CDC42BPB: variants seen among roughly 807,000 people sequenced by gnomAD.
The protein encoded by CDC42BPB is serine/threonine-protein kinase MRCK beta.
Under a neutral mutation model 214.9 loss-of-function variants are expected in CDC42BPB, and 37 were observed. That is an observed-to-expected ratio of 0.17 (90% CI 0.13 to 0.23). CDC42BPB has a LOEUF of 0.23. Ranked by LOEUF, CDC42BPB falls within the 10% of genes least tolerant of loss-of-function variation. The probability of loss-of-function intolerance (pLI) is 1.00; values close to 1 mark genes in which losing one functional copy is unlikely to be tolerated. For synonymous variants in CDC42BPB, 931 were observed against 884.0 expected (o/e 1.05, Z -0.94); for missense variants, 1,694 against 2,227.0 (o/e 0.76, Z 4.82).
At chr14:103,013,476 T>A (rs563090542) in intron 1 of CDC42BPB, among the ~76,000 whole-genome samples, 2 of 152,260 alleles carry the variant, frequency 1.3e-5, no homozygotes, top group Non-Finnish European at 2.9e-5. Context: ...CTGGATAGTG[T>A]CCCCAGCAAA....
chr14:102,976,663 A>G (rs1295117950), intron 9 of CDC42BPB, among the ~76,000 whole-genome samples: 1 of 152,216 alleles, frequency 6.6e-6, no homozygotes, highest in Non-Finnish European at 1.5e-5. Flanking sequence ...TTATGTGACA[A>G]TGAAGTCAGG....
chr14:102,952,684 A>T lies in CDC42BPB; in HGVS notation c.3067-81T>A, dbSNP rs141954387. ...TCCATCTGCCTGTGATCCAGTTTAT[A>T]CACAGCTTGGGCATTATCCTGAAAA... On this transcript the variant is annotated intron_variant, in intron 23 of 36. Transcript: ENST00000361246. 2.7e-3 allele frequency: 4,177 copies of T among 1,544,982 alleles called. 26 individuals are homozygous for T. Among genetic ancestry groups the T allele is most frequent in the South Asian group, 0.015 (1,283 of 83,282 alleles).
intron 21 of CDC42BPB, 26 bp from the exon 22 acceptor site, chr14:102,954,714 G>C: frequency 1.2e-6 from 2 of 1,602,056 alleles, no homozygotes; most frequent in Non-Finnish European, 1.7e-6. Flanking sequence ...AAGAAAGAGT[G>C]GGGTGAAAGG....
intron 1 of CDC42BPB, among the ~76,000 whole-genome samples, chr14:103,052,131 C>G (rs80169986): frequency 0.025 from 3,835 of 152,292 alleles, 171 homozygotes; most frequent in African/African-American, 0.088. Context: ...CACACCCGGC[C>G]TGAAGTTTTA....
chr14:103,010,222 G>A (rs34341231), intron 2 of CDC42BPB, among the ~76,000 whole-genome samples: 1 of 152,204 alleles, frequency 6.6e-6, no homozygotes, highest in Non-Finnish European at 1.5e-5. Context: ...GGGTGGTGGA[G>A]GCTGCAGTGA....
At chr14:102,938,663 C>T (rs987542961) in intron 34 of CDC42BPB, 2 of 628,232 alleles carry the variant, frequency 3.2e-6, no homozygotes, top group Admixed American at 6.3e-5. Flanking sequence ...GAGTCTTGCT[C>T]TGTCCCCCAG....
chr14:102,937,223 G>C (rs4550387), intron 36 of CDC42BPB: 1 of 152,446 alleles, frequency 6.6e-6, no homozygotes, highest in African/African-American at 2.4e-5. Context: ...TCAAACTCAG[G>C]AGCGTTCTGT....
Position 102,933,582 on chromosome 14 carries a change from G to T in CDC42BPB, c.*130C>A. The T allele has an allele frequency of 1.4e-6, 1 of 715,348 alleles. No individual in the cohort carries two copies. The highest frequency in any genetic ancestry group is 2.1e-6 in the Non-Finnish European group (1 of 482,266). 44.3% of individuals were successfully genotyped at this position (715,348 alleles called of 1,614,324 possible). On this transcript the variant is annotated 3_prime_UTR_variant, in exon 37 of 37. Transcript: ENST00000361246. ...CTGATCAATATTATAATAAAGATTT[G>T]TCTTCTTCATCTCCATATCTACAAA... is the stretch of plus-strand genomic sequence containing the variant.
At chr14:102,967,212 A>T (rs952079969) in intron 16 of CDC42BPB, 42 bp from the exon 17 acceptor site, 1 of 1,589,626 alleles carries the variant, frequency 6.3e-7, no homozygotes, top group Non-Finnish European at 8.6e-7. Flanking sequence ...TTAATCGGGC[A>T]TCCTTTAAGT....
chr14:102,941,309 A>G, intron 30 of CDC42BPB: 1 of 985,466 alleles, frequency 1.0e-6, no homozygotes, highest in African/African-American at 1.7e-5. Flanking sequence ...GCATCAGGAC[A>G]CACCTCACTG....
At chr14:103,010,436 C>G (rs543545994) in intron 2 of CDC42BPB, among the ~76,000 whole-genome samples, 17 of 152,234 alleles carry the variant, frequency 1.1e-4, no homozygotes, top group Non-Finnish European at 1.8e-4. Context: ...CCTCCCCTAT[C>G]CCTCTGGTGA....
chr14:102,933,606 A>G lies in CDC42BPB; in HGVS notation c.*106T>C. On this transcript the variant is annotated 3_prime_UTR_variant, in exon 37 of 37. Transcript: ENST00000361246. Reference sequence around the variant, plus strand: ...TGTCTTCTTCATCTCCATATCTACAAAGTGATTCTACATTTCCTTGGACAA... The same window carrying G: ...TGTCTTCTTCATCTCCATATCTACAGAGTGATTCTACATTTCCTTGGACAA... 3.4e-6 allele frequency: 3 copies of G among 887,840 alleles called. No individual in the cohort carries two copies. Among genetic ancestry groups the G allele is most frequent in the Non-Finnish European group, 4.7e-6 (3 of 637,458 alleles). The allele number at this position is 887,840 out of a possible 1,614,324, so 55.0% of individuals were successfully genotyped here. A position where few individuals can be genotyped will look rare whatever the true frequency, so the allele number is the denominator to read the frequency against.
intron 1 of CDC42BPB, among the ~76,000 whole-genome samples, chr14:103,047,114 T>G (rs1317568402): frequency 2.6e-5 from 4 of 151,088 alleles, no homozygotes; most frequent in Non-Finnish European, 5.9e-5. Context: ...TGAAATCCCA[T>G]CTCTACTGAA....
chr14:102,952,712 T>C, intron 23 of CDC42BPB, 109 bp from the exon 24 acceptor site: 1 of 1,491,478 alleles, frequency 6.7e-7, no homozygotes, highest in East Asian at 2.5e-5. Flanking sequence ...CCTGAAAAGG[T>C]GGAAATGTGC....
rs1174362858 is a variant in CDC42BPB at position 102,959,621 on chromosome 14, A to G, written c.2901+10T>C. ...CTCATCTGTCACTTAAAAAAAAAACAATGACTTACTCTAAATGTCAGGTCA... is the reference window on the plus strand; with the variant it reads ...CTCATCTGTCACTTAAAAAAAAAACGATGACTTACTCTAAATGTCAGGTCA... On this transcript the variant is annotated intron_variant, in intron 21 of 36. Coordinates refer to ENST00000361246, the MANE Select transcript of CDC42BPB (RefSeq NM_006035.4). 6.4e-7 allele frequency: 1 copy of G among 1,570,502 alleles called. No homozygotes were observed. Among genetic ancestry groups the G allele is most frequent in the Non-Finnish European group, 8.7e-7 (1 of 1,151,334 alleles).
intron 1 of CDC42BPB, among the ~76,000 whole-genome samples, chr14:103,020,663 C>T (rs925523675): frequency 6.6e-6 from 1 of 152,160 alleles, no homozygotes; most frequent in South Asian, 2.1e-4. Flanking sequence ...ACATGCTGAA[C>T]CCCCGTGAGA....
At chr14:103,046,904 G>A (rs1438989347) in intron 1 of CDC42BPB, among the ~76,000 whole-genome samples, 1 of 151,860 alleles carries the variant, frequency 6.6e-6, no homozygotes, top group Non-Finnish European at 1.5e-5. Context: ...ACCTGCCTCG[G>A]CCTCCCAAAG....
chr14:102,976,090 T>C (rs1595485272), intron 9 of CDC42BPB, 41 bp from the exon 10 acceptor site: 1 of 1,597,820 alleles, frequency 6.3e-7, no homozygotes. Flanking sequence ...CTACTGAAAA[T>C]TTAGCGATTT....
At chr14:102,940,431 C>T in intron 30 of CDC42BPB, 107 bp from the exon 31 acceptor site, 1 of 1,522,722 alleles carries the variant, frequency 6.6e-7, no homozygotes, top group East Asian at 2.5e-5. Context: ...GAGGCGGCAG[C>T]ACTGCCCTCA....
Sources: allele counts gnomAD v4.1 joint callset (sites outside exome capture counted in the v4.1 genomes callset), GRCh38; gene constraint gnomAD v4.1.1; transcripts MANE v1.5; gene names NCBI Gene and HGNC (gene_info 2026-07-23, HGNC 2026-07-21).